The following RAB43 variants were observed in gnomAD, a reference collection of about 807,000 sequenced individuals.
The protein encoded by RAB43 is ras-related protein Rab-43.
RAB43 carries 6 observed loss-of-function variants against 18.8 expected under a neutral mutation model. That is an observed-to-expected ratio of 0.32 (90% CI 0.17 to 0.63). RAB43 has a LOEUF of 0.63. RAB43 is among the 30% of genes least tolerant of loss of function. The probability of loss-of-function intolerance (pLI) is 0.79; values close to 1 mark genes in which losing one functional copy is unlikely to be tolerated. For missense variants in RAB43, 195 were observed against 289.1 expected, an observed-to-expected ratio of 0.67 and a Z score of 2.36; for synonymous variants, 103 against 124.1, an observed-to-expected ratio of 0.83 and a Z score of 1.13.
rs559952633 is a variant in RAB43, at chr3:129,109,691, G to A, written c.204+11595C>T. ...TGGGAGGTGGAGGTTGCAGTGAGCCGAGATCGCACCACTGCACTCCAGCCC... is the reference window on the plus strand; with the variant it reads ...TGGGAGGTGGAGGTTGCAGTGAGCCAAGATCGCACCACTGCACTCCAGCCC... On this transcript the variant is annotated intron_variant, in intron 1 of 2. Coordinates refer to ENST00000315150, the MANE Select transcript of RAB43 (RefSeq NM_198490.3). Among the ~76,000 whole-genome samples, 469 of 151,300 alleles carry A rather than the reference G, an allele frequency of 3.1e-3. 3 individuals carry two copies. Among genetic ancestry groups the A allele is most frequent in the Middle Eastern group, 0.014 (4 of 294 alleles).
intron 1 of RAB43, among the ~76,000 whole-genome samples, chr3:129,109,613 C>T (rs1357740918): frequency 4.7e-5 from 7 of 148,370 alleles, no homozygotes; most frequent in Admixed American, 3.4e-4. Context: ...TGGTGGCGGG[C>T]GCCTGTAATC....
intron 2 of RAB43, 97 bp downstream of exon 2, chr3:129,094,889 C>A: frequency 6.8e-7 from 1 of 1,469,542 alleles, no homozygotes; most frequent in Non-Finnish European, 9.1e-7. Flanking sequence ...GGCTGGGACT[C>A]CCTCTGAACT....
chr3:129,094,185 G>A (rs1933866074), intron 2 of RAB43, among the ~76,000 whole-genome samples: 1 of 152,190 alleles, frequency 6.6e-6, no homozygotes, highest in South Asian at 2.1e-4. Context: ...GGAGGTTGAG[G>A]CCCTGCAGCT....
chr3:129,118,544 C>A (rs1315834719), intron 1 of RAB43, among the ~76,000 whole-genome samples: 2 of 152,126 alleles, frequency 1.3e-5, no homozygotes, highest in Admixed American at 6.6e-5. Flanking sequence ...GCTAGAAAAC[C>A]ACCAGGTGAT....
At chr3:129,118,253 C>T (rs534425067) in intron 1 of RAB43, among the ~76,000 whole-genome samples, 15 of 152,306 alleles carry the variant, frequency 9.8e-5, no homozygotes, top group Admixed American at 9.8e-4. Flanking sequence ...CCAACTTTGT[C>T]TCCTTCCAGA....
chr3:129,105,469 C>CAACAA (rs778852710), intron 1 of RAB43, among the ~76,000 whole-genome samples: 37 of 148,446 alleles, frequency 2.5e-4, no homozygotes, highest in East Asian at 4.0e-4. Context: ...CAAACAACAA[C>CAACAA]AACAAAACAA....
At chr3:129,093,391 C>T (rs1234665175) in intron 2 of RAB43, among the ~76,000 whole-genome samples, 2 of 152,134 alleles carry the variant, frequency 1.3e-5, no homozygotes, top group African/African-American at 4.8e-5. Flanking sequence ...ACGGGTGGAT[C>T]ACGAGGTCAG....
At chr3:129,098,497 A>G (rs1934200246) in intron 1 of RAB43, among the ~76,000 whole-genome samples, 1 of 152,240 alleles carries the variant, frequency 6.6e-6, no homozygotes, top group Non-Finnish European at 1.5e-5. Flanking sequence ...ATTTCCATAT[A>G]CTATTGAAAA....
chr3:129,095,295 A>G lies in RAB43; in HGVS notation c.205-126T>C. ...GGGCTAGGAGGCCTTCTGAGTCCTT[A>G]GAAAGCAACTCAATGGCTCAACCTT... On this transcript the variant is annotated intron_variant, in intron 1 of 2. Coordinates refer to ENST00000315150, the MANE Select transcript of RAB43 (RefSeq NM_198490.3). This position sits in a 1 kb window ranked among gnomAD's most constrained non-coding sequence, Gnocchi z 4.2. 1 of 1,326,234 alleles carries G rather than the reference A, an allele frequency of 7.5e-7. No individual in the cohort carries two copies. Among genetic ancestry groups the G allele is most frequent in the South Asian group, 1.5e-5 (1 of 65,836 alleles). The allele number at this position is 1,326,234 out of a possible 1,614,324, so 82.2% of individuals were successfully genotyped here. A position where few individuals can be genotyped will look rare whatever the true frequency, so the allele number is the denominator to read the frequency against.
chr3:129,094,982 T>C lies in RAB43; in HGVS notation c.388+4A>G. 6 of 1,610,448 alleles carry C rather than the reference T, an allele frequency of 3.7e-6. No individual in the cohort carries two copies. The highest frequency in any genetic ancestry group is 5.1e-6 in the Non-Finnish European group (6 of 1,177,840). On this transcript the variant is annotated splice_donor_region_variant and intron_variant, in intron 2 of 2. Coordinates refer to ENST00000315150, the MANE Select transcript of RAB43 (RefSeq NM_198490.3). ...TTTGTGGTCCCGAGGAATCCCCAAC[T>C]CACCGATCAGCAGCTGCACAATGTT...
At chr3:129,104,532 A>G (rs181439231) in intron 1 of RAB43, among the ~76,000 whole-genome samples, 159 of 152,274 alleles carry the variant, frequency 1.0e-3, no homozygotes, top group African/African-American at 3.7e-3. Flanking sequence ...ATGCTCAGAA[A>G]AGCAGCACTC....
intron 1 of RAB43, among the ~76,000 whole-genome samples, chr3:129,119,977 C>T (rs527629990): frequency 5.9e-5 from 9 of 152,312 alleles, no homozygotes; most frequent in East Asian, 3.9e-4. Context: ...CCAGCCCTTC[C>T]CTGGCTACCT....
In RAB43 at chr3:129,116,500, A is replaced by G. The variant is rs1354236088; in HGVS notation, c.204+4786T>C. Among the ~76,000 whole-genome samples the G allele has an allele frequency of 3.9e-5, 6 of 152,360 alleles. No homozygotes were observed. In the East Asian group the frequency reaches 9.6e-4, roughly 24 times the overall value. ...AATAGGAAAAGAACAGATGAGCAGA[A>G]CTAGACTCTTGATTGGAAGGACTGT... On this transcript the variant is annotated intron_variant, in intron 1 of 2. Transcript: ENST00000315150.
At chr3:129,111,902 AT>A (rs1247615241) in intron 1 of RAB43, among the ~76,000 whole-genome samples, 1 of 152,210 alleles carries the variant, frequency 6.6e-6, no homozygotes, top group East Asian at 1.9e-4. Context: ...ACTAAGATCC[AT>A]TTTTTTGGTC....
chr3:129,094,257 G>A (rs1933871038), intron 2 of RAB43, among the ~76,000 whole-genome samples: 1 of 152,144 alleles, frequency 6.6e-6, no homozygotes, highest in Non-Finnish European at 1.5e-5. Context: ...TCCCTGCTCT[G>A]TGTGCGGCAC....
At chr3:129,115,172 C>G (rs1174726196) in intron 1 of RAB43, among the ~76,000 whole-genome samples, 1 of 152,148 alleles carries the variant, frequency 6.6e-6, no homozygotes, top group Non-Finnish European at 1.5e-5. Flanking sequence ...TTTCAGCTAC[C>G]TGCCATCAAC....
intron 1 of RAB43, among the ~76,000 whole-genome samples, chr3:129,120,356 C>G (rs908678201): frequency 6.6e-6 from 1 of 152,212 alleles, no homozygotes; most frequent in East Asian, 1.9e-4. Flanking sequence ...ATCTCCCTGG[C>G]AGAGATCGTC....
chr3:129,105,434 C>T (rs1934708433), intron 1 of RAB43, among the ~76,000 whole-genome samples: 1 of 148,808 alleles, frequency 6.7e-6, no homozygotes, highest in African/African-American at 2.5e-5. Context: ...GCCTGGGCAA[C>T]AGAGTGAAAC....
rs75723335 is a variant in RAB43, at chr3:129,108,430, T to C, written c.204+12856A>G. 9.3e-3 allele frequency among the ~76,000 whole-genome samples: 1,422 copies of C among 152,358 alleles called. 21 individuals are homozygous for C. Among genetic ancestry groups the C allele is most frequent in the African/African-American group, 0.032 (1,331 of 41,586 alleles). On this transcript the variant is annotated intron_variant, in intron 1 of 2. Coordinates refer to ENST00000315150, the MANE Select transcript of RAB43 (RefSeq NM_198490.3). ...TACCACAGCCACAGCATTAATAGCA[T>C]TGCATGCTAATTACCTGTCTACATA... is the stretch of plus-strand genomic sequence containing the variant.
Sources: gnomAD v4.1 joint callset for allele counts (sites outside exome capture counted in the v4.1 genomes callset) on GRCh38, gnomAD v4.1.1 for gene constraint, Gnocchi (gnomAD v3.1) non-coding constraint, MANE v1.5 for transcripts, NCBI Gene and HGNC (gene_info 2026-07-23, HGNC 2026-07-21) for gene names.